KHDRBS2: variants seen among roughly 807,000 people sequenced by gnomAD.
The protein encoded by KHDRBS2 is KH domain-containing, RNA-binding, signal transduction-associated protein 2.
Under a neutral mutation model 44.3 loss-of-function variants are expected in KHDRBS2, and 26 were observed. That is an observed-to-expected ratio of 0.59 (90% confidence interval 0.43 to 0.81). The LOEUF (loss-of-function observed/expected upper bound fraction) is 0.81, where lower values mean the gene tolerates loss of function less well. KHDRBS2 is among the 40% of genes least tolerant of loss of function. The pLI is 0.00. For synonymous variants in KHDRBS2, 194 were observed against 151.1 expected, an observed-to-expected ratio of 1.28 and a Z score of -2.08; for missense variants, 476 against 433.1, an observed-to-expected ratio of 1.10 and a Z score of -0.88.
At chr6:62,253,576 G>C (rs1278134789) in intron 1 of KHDRBS2, among the ~76,000 whole-genome samples, 1 of 151,680 alleles carries the variant, frequency 6.6e-6, no homozygotes, top group African/African-American at 2.4e-5. Context: ...TGAAATCCAG[G>C]TTTCTTTTCC....
intron 6 of KHDRBS2, among the ~76,000 whole-genome samples, chr6:61,790,622 A>T (rs925998240): frequency 5.3e-5 from 8 of 151,542 alleles, no homozygotes; most frequent in African/African-American, 1.7e-4. Flanking sequence ...TGTTCTTGGG[A>T]TAAATCTAAC....
chr6:62,169,298 C>A (rs768619241), intron 2 of KHDRBS2, among the ~76,000 whole-genome samples: 1 of 150,870 alleles, frequency 6.6e-6, no homozygotes, highest in Non-Finnish European at 1.5e-5. Context: ...ATAGGCAGTG[C>A]GCCTAGAATC....
At chr6:61,744,054 A>T (rs1168267204) in intron 6 of KHDRBS2, among the ~76,000 whole-genome samples, 1 of 152,052 alleles carries the variant, frequency 6.6e-6, no homozygotes, top group Non-Finnish European at 1.5e-5. Flanking sequence ...GTTGGATCCA[A>T]GTCTCTGCTA....
intron 2 of KHDRBS2, among the ~76,000 whole-genome samples, chr6:62,152,097 A>C (rs1326866582): frequency 6.6e-6 from 1 of 152,136 alleles, no homozygotes; most frequent in East Asian, 1.9e-4. Flanking sequence ...AGGCGGGAGG[A>C]TCACCTGAGG....
At chr6:61,601,083 A>G in the KHDRBS2 span, among the ~76,000 whole-genome samples, 1 of 152,068 alleles carries the variant, frequency 6.6e-6, no homozygotes, top group Admixed American at 6.5e-5. Flanking sequence ...ATTCACCCAC[A>G]TTCCCTTGGT....
chr6:62,253,909 T>C (rs1245238147), intron 1 of KHDRBS2, among the ~76,000 whole-genome samples: 1 of 152,120 alleles, frequency 6.6e-6, no homozygotes. Flanking sequence ...TACATAGCCC[T>C]GAGGACTGGA....
At chr6:61,547,804 A>C in the KHDRBS2 span, among the ~76,000 whole-genome samples, 2 of 152,228 alleles carry the variant, frequency 1.3e-5, no homozygotes, top group Admixed American at 6.5e-5. Context: ...AACTCCTATA[A>C]ATTTGTTAAT....
rs1554292013 is a variant in KHDRBS2, at chr6:61,955,495, C to CACATACGT, written c.483+22570_483+22571insACGTATGT. Among the ~76,000 whole-genome samples, 93 of 48,646 alleles carry CACATACGT rather than the reference C, an allele frequency of 1.9e-3. 13 individuals carry two copies. The highest frequency in any genetic ancestry group is 6.4e-3 in the South Asian group (7 of 1,090). 31.9% of individuals were successfully genotyped at this position (48,646 alleles called of 152,430 possible). ...ATATACACATATGTATGTATGTATA[C>CACATACGT]ATGTGTATATATACACATATGTATG... On this transcript the variant is annotated intron_variant, in intron 4 of 8. Transcript: ENST00000281156.
intron 4 of KHDRBS2, among the ~76,000 whole-genome samples, chr6:61,911,083 A>G (rs1472309518): frequency 6.6e-6 from 1 of 152,192 alleles, no homozygotes; most frequent in Non-Finnish European, 1.5e-5. Context: ...ATAATGATAA[A>G]GAAACACTGA....
intron 6 of KHDRBS2, among the ~76,000 whole-genome samples, chr6:61,770,780 G>T (rs899367994): frequency 6.6e-6 from 1 of 152,214 alleles, no homozygotes; most frequent in African/African-American, 2.4e-5. Flanking sequence ...TTATCCAGGA[G>T]AACTTCCCCA....
intron 1 of KHDRBS2, among the ~76,000 whole-genome samples, chr6:62,186,139 T>C (rs1434879333): frequency 6.6e-6 from 1 of 152,120 alleles, no homozygotes; most frequent in African/African-American, 2.4e-5. Context: ...ATGACAGTTA[T>C]TGCTTTCTAA....
At chr6:61,726,606 C>G (rs1773608696) in intron 7 of KHDRBS2, among the ~76,000 whole-genome samples, 1 of 152,090 alleles carries the variant, frequency 6.6e-6, no homozygotes, top group Non-Finnish European at 1.5e-5. Flanking sequence ...GCAAAAATCG[C>G]TAGCATTCCT....
At chr6:61,919,981 G>A (rs1807753376) in intron 4 of KHDRBS2, among the ~76,000 whole-genome samples, 1 of 151,794 alleles carries the variant, frequency 6.6e-6, no homozygotes, top group Non-Finnish European at 1.5e-5. Context: ...TATGGATTTC[G>A]AGTTGGAACC....
chr6:61,644,392 A>T, the KHDRBS2 span, among the ~76,000 whole-genome samples: 17 of 152,166 alleles, frequency 1.1e-4, no homozygotes, highest in Non-Finnish European at 2.2e-4. Context: ...GGACATAGAA[A>T]TTGGCAAACA....
chr6:61,638,649 G>A, the KHDRBS2 span, among the ~76,000 whole-genome samples: 1 of 152,064 alleles, frequency 6.6e-6, no homozygotes. Context: ...TTTCTTTGAT[G>A]ACTTTGATAA....
Position 62,286,010 on chromosome 6 carries a change from G to A in KHDRBS2, c.-62C>T. The A allele has an allele frequency of 9.7e-7, 1 of 1,031,414 alleles. No homozygotes were observed. Among genetic ancestry groups the A allele is most frequent in the Non-Finnish European group, 1.5e-6 (1 of 670,076 alleles). The allele number at this position is 1,031,414 out of a possible 1,614,324, so 63.9% of individuals were successfully genotyped here. On this transcript the variant is annotated 5_prime_UTR_variant, in exon 1 of 9. Coordinates refer to ENST00000281156, the MANE Select transcript of KHDRBS2 (RefSeq NM_152688.4). ...GGTTCCGCTCGCTCGGACGCAGGCA[G>A]GGTCTTGGGGCAGCGCCTGGCTCCC...
the KHDRBS2 span, among the ~76,000 whole-genome samples, chr6:61,553,000 G>A: frequency 6.6e-6 from 1 of 152,132 alleles, no homozygotes; most frequent in East Asian, 1.9e-4. Context: ...TTTGGTATCA[G>A]GATGATGGTG....
intron 6 of KHDRBS2, among the ~76,000 whole-genome samples, chr6:61,843,162 G>A (rs1269202151): frequency 6.6e-6 from 1 of 151,920 alleles, no homozygotes; most frequent in Non-Finnish European, 1.5e-5. Flanking sequence ...GATGGCTAGG[G>A]ATTGGGGGCG....
At chr6:62,042,391 ATGT>A (rs374669069) in intron 3 of KHDRBS2, among the ~76,000 whole-genome samples, 8 of 152,232 alleles carry the variant, frequency 5.3e-5, no homozygotes, top group South Asian at 2.1e-4. Context: ...CAAGAAAGAA[ATGT>A]TGTTGATCTA....
Sources: allele counts gnomAD v4.1 joint callset (sites outside exome capture counted in the v4.1 genomes callset), GRCh38; gene constraint gnomAD v4.1.1; transcripts MANE v1.5; gene names NCBI Gene and HGNC (gene_info 2026-07-23, HGNC 2026-07-21).